ABHD18: variants seen among roughly 807,000 people sequenced by gnomAD.
The protein encoded by ABHD18 is cardiolipin-specific deacylase, mitochondrial.
In ABHD18, 55 loss-of-function variants were observed where a neutral mutation model predicts 65.9. The observed-to-expected ratio is 0.84, with a 90% CI of 0.67 to 1.05. The LOEUF is 1.05. Ranked by LOEUF, ABHD18 falls within the 50% of genes least tolerant of loss-of-function variation. The pLI, the probability that ABHD18 is intolerant of heterozygous loss-of-function variation, is 0.00. For synonymous variants in ABHD18, 181 were observed against 180.2 expected, an observed-to-expected ratio of 1.00 and a Z score of -0.04; for missense variants, 533 against 558.5, an observed-to-expected ratio of 0.95 and a Z score of 0.46.
chr4:128,001,830 A>C (rs1752675745), intron 4 of ABHD18: 2 of 1,390,896 alleles, frequency 1.4e-6, no homozygotes, highest in Non-Finnish European at 1.9e-6. Flanking sequence ...TTAGATGTTG[A>C]GTTTTGTTTT....
intron 10 of ABHD18, among the ~76,000 whole-genome samples, chr4:128,025,092 C>T (rs928989128): frequency 2.6e-5 from 4 of 152,160 alleles, no homozygotes; most frequent in Non-Finnish European, 5.9e-5. Flanking sequence ...ATTCCTACCC[C>T]ATCTGTGCTT....
chr4:127,967,412 A>T (rs1019103987), intron 1 of ABHD18, among the ~76,000 whole-genome samples: 1 of 152,174 alleles, frequency 6.6e-6, no homozygotes, highest in East Asian at 1.9e-4. Context: ...TATGGGAAAA[A>T]ATGGCAAAGC....
In ABHD18 at chr4:128,009,188, T is replaced by TA. The variant is rs1463604363; in HGVS notation, c.440dup (p.Tyr147Ter). The TA allele has an allele frequency of 2.7e-6, 4 of 1,476,994 alleles. No homozygotes were observed. In the African/African-American group the frequency reaches 5.8e-5, roughly 22 times the overall value. The allele number at this position is 1,476,994 out of a possible 1,614,324, so 91.5% of individuals were successfully genotyped here. The change falls in exon 6 of 13, where the codon TAT becomes TAAT. Residue 147 changes from tyrosine to a stop codon, truncating the protein, a stop_gained and frameshift_variant. Coordinates refer to ENST00000645843, the MANE Select transcript of ABHD18 (RefSeq NM_001358451.3). LOFTEE classifies it high-confidence loss of function. ...GGCTTCTTTATTGTTAGAAAACCCT[T>TA]ATTATATCCTTTTGTGATATCTAAG... ...RMASLLLENPYYGCRKPKDQV... is the reference protein window; with the variant it reads ...RMASLLLENP
At chr4:128,015,366 G>A (rs1334040713) in intron 7 of ABHD18, among the ~76,000 whole-genome samples, 4 of 152,166 alleles carry the variant, frequency 2.6e-5, no homozygotes, top group South Asian at 2.1e-4. Flanking sequence ...ATTTGAGACC[G>A]AGTCTACTAT....
At position 128,025,739 on chromosome 4, in the gene ABHD18, T is replaced by G. The variant is rs545544237; in HGVS notation, c.802-2736T>G. 3.9e-5 allele frequency among the ~76,000 whole-genome samples: 6 copies of G among 152,360 alleles called. No individual in the cohort carries two copies. In the East Asian group the frequency reaches 1.2e-3, roughly 29 times the overall value. On this transcript the variant is annotated intron_variant, in intron 10 of 12. Transcript: ENST00000645843. ...ACCACCAGCAGGAATGTGTCTTTCT[T>G]CATAAGTTCTCAAATTCAGTGTGTT...
At chr4:128,022,394 T>C (rs1001097340) in intron 10 of ABHD18, among the ~76,000 whole-genome samples, 2 of 152,222 alleles carry the variant, frequency 1.3e-5, no homozygotes, top group African/African-American at 4.8e-5. Context: ...CAGTTCAGCA[T>C]ATTGCTCTAC....
chr4:128,013,873 G>T (rs1230341214), intron 7 of ABHD18, among the ~76,000 whole-genome samples: 1 of 151,852 alleles, frequency 6.6e-6, no homozygotes, highest in Non-Finnish European at 1.5e-5. Context: ...TGGGGTGGAG[G>T]CAAACCGGTA....
intron 7 of ABHD18, among the ~76,000 whole-genome samples, chr4:128,012,381 T>C (rs1281441905): frequency 6.6e-6 from 1 of 152,212 alleles, no homozygotes; most frequent in African/African-American, 2.4e-5. Context: ...TTTCAGTCTT[T>C]TAAAATGATA....
intron 9 of ABHD18, among the ~76,000 whole-genome samples, chr4:128,020,560 G>A (rs560134544): frequency 6.6e-6 from 1 of 152,306 alleles, no homozygotes; most frequent in African/African-American, 2.4e-5. Context: ...TGCCTAGCAT[G>A]CACCAAAAAT....
chr4:127,991,488 G>T (rs972080245), intron 4 of ABHD18, among the ~76,000 whole-genome samples: 4 of 152,196 alleles, frequency 2.6e-5, no homozygotes, highest in Admixed American at 1.3e-4. Context: ...CCTCCCAAGT[G>T]CTGGGATTAC....
intron 12 of ABHD18, 101 bp downstream of exon 12, chr4:128,030,773 T>C: frequency 6.8e-7 from 1 of 1,467,486 alleles, no homozygotes; most frequent in Admixed American, 3.0e-5. Flanking sequence ...TATAGTCTGT[T>C]TCAATCTTTG....
chr4:128,019,688 C>A (rs886647363), intron 8 of ABHD18, among the ~76,000 whole-genome samples: 1 of 152,190 alleles, frequency 6.6e-6, no homozygotes, highest in African/African-American at 2.4e-5. Flanking sequence ...AAATTCTTGG[C>A]ATACTCAGTC....
chr4:128,025,616 T>G (rs1413465217), intron 10 of ABHD18, among the ~76,000 whole-genome samples: 1 of 152,208 alleles, frequency 6.6e-6, no homozygotes, highest in African/African-American at 2.4e-5. Flanking sequence ...CTTTGTACAT[T>G]CATGTTATAT....
At chr4:128,015,547 T>C (rs181392466) in intron 7 of ABHD18, among the ~76,000 whole-genome samples, 116 of 147,516 alleles carry the variant, frequency 7.9e-4, no homozygotes, top group African/African-American at 2.6e-3. Flanking sequence ...ATAAGAATAA[T>C]TTTTTTTTTT....
chr4:127,988,844 G>C (rs995589836), intron 3 of ABHD18, among the ~76,000 whole-genome samples: 3 of 152,142 alleles, frequency 2.0e-5, no homozygotes, highest in African/African-American at 7.2e-5. Context: ...AAGTTAGTAC[G>C]ACCACTGCGG....
intron 1 of ABHD18, among the ~76,000 whole-genome samples, chr4:127,974,880 C>T (rs1451097326): frequency 6.6e-6 from 1 of 151,070 alleles, no homozygotes; most frequent in East Asian, 2.0e-4. Context: ...CCTGTAATCC[C>T]AGCTACTTGG....
intron 10 of ABHD18, among the ~76,000 whole-genome samples, chr4:128,023,281 C>T (rs77239186): frequency 0.019 from 2,927 of 151,398 alleles, 89 homozygotes; most frequent in African/African-American, 0.066. Context: ...ATAGCTTTAT[C>T]GGGACCAGGC....
At chr4:127,975,936 C>T (rs1265892508) in intron 1 of ABHD18, among the ~76,000 whole-genome samples, 1 of 152,112 alleles carries the variant, frequency 6.6e-6, no homozygotes, top group Non-Finnish European at 1.5e-5. Flanking sequence ...AGTGATTTTC[C>T]TTTCTCAGCT....
At chr4:128,001,603 C>A (rs1316807997) in intron 4 of ABHD18, 4 of 964,154 alleles carry the variant, frequency 4.1e-6, no homozygotes, top group Middle Eastern at 2.2e-4. Context: ...TGTAAAGATG[C>A]CTTTATTATC....
Sources: allele counts gnomAD v4.1 joint callset (sites outside exome capture counted in the v4.1 genomes callset), GRCh38; gene constraint gnomAD v4.1.1; transcripts MANE v1.5; gene names NCBI Gene and HGNC (gene_info 2026-07-23, HGNC 2026-07-21).